The following ITSN2 variants were observed in gnomAD, a reference collection of about 807,000 sequenced individuals.
ITSN2 encodes intersectin 2.
ITSN2 carries 156 observed loss-of-function variants against 243.7 expected under a neutral mutation model. The ratio of observed to expected loss-of-function variants is 0.64; its 90% CI spans 0.56 to 0.73. The LOEUF (loss-of-function observed/expected upper bound fraction) is 0.73. Among genes scored for constraint, ITSN2 ranks in the 30% least tolerant of loss-of-function variants. The pLI is 0.00. For synonymous variants in ITSN2, 703 were observed against 699.9 expected (o/e 1.00, Z -0.07); for missense variants, 1,801 against 1,996.1 (o/e 0.90, Z 1.86).
At chr2:24,256,773 T>C (rs1334014224) in intron 23 of ITSN2, among the ~76,000 whole-genome samples, 1 of 152,096 alleles carries the variant, frequency 6.6e-6, no homozygotes, top group Admixed American at 6.6e-5. Context: ...AAGACATGCA[T>C]CCCAGCCTCA....
At position 24,246,118 on chromosome 2, in the gene ITSN2, A is replaced by G. The variant is rs754120256; in HGVS notation, c.3577+11T>C. ...CACTAGGTGAGAGAAAAATAATTTA[A>G]TATTACTCACACTGTTGACTTGGAT... On this transcript the variant is annotated intron_variant, in intron 29 of 39. Coordinates refer to ENST00000355123, the MANE Select transcript of ITSN2 (RefSeq NM_006277.3). 1.3e-6 allele frequency: 2 copies of G among 1,588,330 alleles called. No individual in the cohort carries two copies. Among genetic ancestry groups the G allele is most frequent in the South Asian group, 1.1e-5 (1 of 89,038 alleles).
intron 35 of ITSN2, 51 bp from the exon 36 acceptor site, chr2:24,209,272 C>T (rs765628380): frequency 1.9e-6 from 3 of 1,583,760 alleles, no homozygotes; most frequent in East Asian, 2.2e-5. Flanking sequence ...TAGAACACTC[C>T]ACCCGCCTAT....
At chr2:24,337,327 T>TATACATATATATATATATATATATAC (rs1553395933) in intron 1 of ITSN2, among the ~76,000 whole-genome samples, 1 of 97,402 alleles carries the variant, frequency 1.0e-5, no homozygotes, top group Non-Finnish European at 2.1e-5. Context: ...TATATATATA[T>TATACATATATATATATATATATATAC]ATATATATAT....
At chr2:24,243,036 C>G (rs994639579) in intron 29 of ITSN2, among the ~76,000 whole-genome samples, 1 of 152,096 alleles carries the variant, frequency 6.6e-6, no homozygotes, top group Non-Finnish European at 1.5e-5. Flanking sequence ...ATGATGAGTT[C>G]CTCCTTGCAT....
intron 18 of ITSN2, among the ~76,000 whole-genome samples, chr2:24,273,117 T>C (rs746169062): frequency 6.6e-6 from 1 of 152,236 alleles, no homozygotes; most frequent in African/African-American, 2.4e-5. Flanking sequence ...CCTTAATTCC[T>C]GAAGGAATCT....
chr2:24,325,107 T>G lies in ITSN2; in HGVS notation c.31+2945A>C, dbSNP rs181669147. Among the ~76,000 whole-genome samples the G allele has an allele frequency of 1.6e-4, 25 of 152,204 alleles. No homozygotes were observed. In the East Asian group the frequency reaches 4.4e-3, roughly 27 times the overall value. On this transcript the variant is annotated intron_variant, in intron 2 of 39. Coordinates refer to ENST00000355123, the MANE Select transcript of ITSN2 (RefSeq NM_006277.3). Reference sequence around the variant, plus strand: ...AAGTATTAATGCACCAAGAATTTTCTAGGAACAAAAAGATAACACTGGTCA... The same window carrying G: ...AAGTATTAATGCACCAAGAATTTTCGAGGAACAAAAAGATAACACTGGTCA...
At chr2:24,281,276 C>T (rs998588282) in intron 17 of ITSN2, among the ~76,000 whole-genome samples, 5 of 152,154 alleles carry the variant, frequency 3.3e-5, no homozygotes, top group Admixed American at 6.6e-5. Context: ...GTGATCAACC[C>T]GCCTCAGCCT....
intron 29 of ITSN2, among the ~76,000 whole-genome samples, chr2:24,230,089 T>A (rs1671433102): frequency 1.3e-5 from 2 of 152,156 alleles, no homozygotes; most frequent in African/African-American, 2.4e-5. Context: ...CTTCACACGT[T>A]CTGCTGTATA....
At chr2:24,351,297 A>G (rs1688003286) in intron 1 of ITSN2, among the ~76,000 whole-genome samples, 1 of 152,184 alleles carries the variant, frequency 6.6e-6, no homozygotes, top group Non-Finnish European at 1.5e-5. Context: ...CTTCTATTAG[A>G]CTGTGAGCTC....
In ITSN2 at chr2:24,322,238, G is replaced by A. The variant is rs1684654395; in HGVS notation, c.31+5814C>T. ...AAGAGCTTTACATGTATTGCTTCAA[G>A]TAAGTCTCATAAGAATCCCATGAGG... On this transcript the variant is annotated intron_variant, in intron 2 of 39. Transcript: ENST00000355123. 3.3e-5 allele frequency among the ~76,000 whole-genome samples: 5 copies of A among 152,272 alleles called. No homozygotes were observed. The South Asian group carries it at 1.0e-3, about 32-fold the overall frequency.
chr2:24,354,721 T>A (rs138883906), intron 1 of ITSN2, among the ~76,000 whole-genome samples: 1 of 152,212 alleles, frequency 6.6e-6, no homozygotes, highest in Non-Finnish European at 1.5e-5. Context: ...ATGGTTATGA[T>A]GAAAATAAAT....
At chr2:24,205,848 T>G (rs534575540) in intron 37 of ITSN2, among the ~76,000 whole-genome samples, 1 of 152,346 alleles carries the variant, frequency 6.6e-6, no homozygotes, top group African/African-American at 2.4e-5. Context: ...TTATATTATT[T>G]AAACTGCATA....
At chr2:24,318,440 T>C (rs1429968796) in intron 2 of ITSN2, among the ~76,000 whole-genome samples, 2 of 152,174 alleles carry the variant, frequency 1.3e-5, no homozygotes, top group Non-Finnish European at 2.9e-5. Context: ...TTCTGGACCA[T>C]ATGCATTCTG....
intron 1 of ITSN2, among the ~76,000 whole-genome samples, chr2:24,351,487 T>C (rs930454129): frequency 1.3e-5 from 2 of 152,216 alleles, no homozygotes; most frequent in African/African-American, 4.8e-5. Context: ...GCACATGACA[T>C]AGCTTCAATT....
intron 15 of ITSN2, among the ~76,000 whole-genome samples, chr2:24,291,466 T>C (rs976365396): frequency 1.3e-5 from 2 of 151,184 alleles, no homozygotes; most frequent in African/African-American, 4.9e-5. Context: ...CGAAGTGTTA[T>C]AGCTGCATAT....
intron 30 of ITSN2, 36 bp downstream of exon 30, chr2:24,220,909 G>A (rs1670383880): frequency 1.1e-5 from 18 of 1,566,782 alleles, no homozygotes; most frequent in Non-Finnish European, 1.5e-5. Flanking sequence ...AGAGACAGCA[G>A]ATACCCCGAG....
intron 23 of ITSN2, among the ~76,000 whole-genome samples, chr2:24,256,225 A>AAATC (rs888598603): frequency 3.3e-5 from 5 of 152,212 alleles, no homozygotes; most frequent in African/African-American, 1.2e-4. Context: ...CTCCATCTCA[A>AAATC]AATCAATCAA....
intron 20 of ITSN2, 101 bp from the exon 21 acceptor site, chr2:24,261,843 A>G: frequency 1.2e-6 from 1 of 845,364 alleles, no homozygotes; most frequent in Non-Finnish European, 1.8e-6. Context: ...TTCAGAATTA[A>G]GCCCATCTAA....
intron 19 of ITSN2, 132 bp downstream of exon 19, chr2:24,271,634 T>C: frequency 8.6e-7 from 1 of 1,157,488 alleles, no homozygotes; most frequent in Non-Finnish European, 1.1e-6. Context: ...TATCCAAGTT[T>C]AATTTATAAA....
Sources: gnomAD v4.1 joint callset for allele counts (sites outside exome capture counted in the v4.1 genomes callset) on GRCh38, gnomAD v4.1.1 for gene constraint, MANE v1.5 for transcripts, NCBI Gene and HGNC (gene_info 2026-07-23, HGNC 2026-07-21) for gene names.